The following MEI4 variants were observed in gnomAD, a reference collection of about 807,000 sequenced individuals.
The protein encoded by MEI4 is meiotic double-stranded break formation protein 4.
In MEI4, 27 loss-of-function variants were observed where a neutral mutation model predicts 31.4. That is an observed-to-expected ratio of 0.86 (90% CI 0.63 to 1.19). The LOEUF (loss-of-function observed/expected upper bound fraction) is 1.19. Ranked by LOEUF, MEI4 falls within the 50% of genes most tolerant of loss-of-function variation. MEI4 has a pLI of 0.00. For missense variants in MEI4, 329 were observed against 398.9 expected (o/e 0.82, Z 1.49); for synonymous variants, 122 against 145.4 (o/e 0.84, Z 1.16).
At chr6:77,811,788 A>T (rs1303042089) in intron 3 of MEI4, among the ~76,000 whole-genome samples, 2 of 150,736 alleles carry the variant, frequency 1.3e-5, no homozygotes, top group Non-Finnish European at 1.5e-5. Context: ...AAAAAAAAAA[A>T]ATTGATACTT....
At chr6:77,729,857 T>A (rs1231420806) in intron 2 of MEI4, among the ~76,000 whole-genome samples, 2 of 152,168 alleles carry the variant, frequency 1.3e-5, no homozygotes, top group Admixed American at 6.5e-5. Flanking sequence ...GTAAAAGGTA[T>A]CAGTGCATCT....
intron 3 of MEI4, among the ~76,000 whole-genome samples, chr6:77,768,866 A>C (rs2127685733): frequency 6.6e-6 from 1 of 152,308 alleles, no homozygotes; most frequent in South Asian, 2.1e-4. Flanking sequence ...TTAGTTTCTA[A>C]TTGAATATAA....
At chr6:77,892,599 C>T (rs530822245) in intron 4 of MEI4, among the ~76,000 whole-genome samples, 1 of 152,152 alleles carries the variant, frequency 6.6e-6, no homozygotes, top group African/African-American at 2.4e-5. Flanking sequence ...GCAGGTGGCT[C>T]TCAGGCTGTA....
intron 4 of MEI4, among the ~76,000 whole-genome samples, chr6:77,900,965 T>C (rs1400018281): frequency 6.6e-6 from 1 of 152,020 alleles, no homozygotes; most frequent in Non-Finnish European, 1.5e-5. Flanking sequence ...CATGTGGTAT[T>C]TGTCTTTTTG....
intron 2 of MEI4, among the ~76,000 whole-genome samples, chr6:77,734,525 T>G (rs539210708): frequency 1.2e-4 from 18 of 152,144 alleles, no homozygotes; most frequent in South Asian, 2.1e-4. Flanking sequence ...TTGAGCCTAT[T>G]TGTGTCTCTG....
intron 2 of MEI4, 63 bp from the exon 3 acceptor site, chr6:77,761,067 C>A: frequency 9.3e-7 from 1 of 1,076,446 alleles, no homozygotes; most frequent in East Asian, 3.2e-5. Flanking sequence ...GTATCAATGG[C>A]TAGTTTTACA....
At chr6:77,735,887 C>T (rs938181541) in intron 2 of MEI4, among the ~76,000 whole-genome samples, 2 of 150,816 alleles carry the variant, frequency 1.3e-5, no homozygotes, top group African/African-American at 4.9e-5. Context: ...GTTGGAGTAC[C>T]CGGCCGTGTG....
At chr6:77,707,852 C>G (rs1359298386) in intron 2 of MEI4, among the ~76,000 whole-genome samples, 2 of 152,242 alleles carry the variant, frequency 1.3e-5, no homozygotes, top group Non-Finnish European at 2.9e-5. Flanking sequence ...TTGGCAGCTT[C>G]CACTTGGTGT....
chr6:77,860,866 T>C (rs547446787), intron 4 of MEI4, among the ~76,000 whole-genome samples: 4 of 152,254 alleles, frequency 2.6e-5, no homozygotes, highest in African/African-American at 9.6e-5. Context: ...ACATTTTATC[T>C]CTTCTTCTAT....
chr6:77,790,566 A>G (rs1768893831), intron 3 of MEI4, among the ~76,000 whole-genome samples: 1 of 152,150 alleles, frequency 6.6e-6, no homozygotes, highest in South Asian at 2.1e-4. Flanking sequence ...TAAAAATAGA[A>G]AAACTAAAAA....
chr6:77,731,349 G>A (rs528260132), intron 2 of MEI4, among the ~76,000 whole-genome samples: 4 of 150,478 alleles, frequency 2.7e-5, no homozygotes, highest in Non-Finnish European at 5.9e-5. Context: ...ATCTCATTGT[G>A]GTTTTGATTT....
chr6:77,887,224 A>G (rs1771642266), intron 4 of MEI4, among the ~76,000 whole-genome samples: 1 of 149,718 alleles, frequency 6.7e-6, no homozygotes, highest in Non-Finnish European at 1.5e-5. Context: ...CCCAGTGGTC[A>G]TTCATAGTCA....
At chr6:77,794,511 C>T (rs201785416) in intron 3 of MEI4, among the ~76,000 whole-genome samples, 28 of 152,086 alleles carry the variant, frequency 1.8e-4, no homozygotes, top group African/African-American at 5.3e-4. Flanking sequence ...TGCAGTGAGC[C>T]GGACGGCGCC....
intron 3 of MEI4, among the ~76,000 whole-genome samples, chr6:77,782,894 G>T (rs956783111): frequency 2.6e-5 from 4 of 152,170 alleles, no homozygotes; most frequent in Non-Finnish European, 5.9e-5. Context: ...GACTGAGTAA[G>T]TATAGCACTA....
At chr6:77,825,491 C>A (rs1318387795) in intron 3 of MEI4, among the ~76,000 whole-genome samples, 1 of 152,226 alleles carries the variant, frequency 6.6e-6, no homozygotes, top group African/African-American at 2.4e-5. Context: ...GCTGCCCCAT[C>A]TCCAAGCCCA....
At chr6:77,844,140 A>T (rs1030037611) in intron 4 of MEI4, among the ~76,000 whole-genome samples, 2 of 152,184 alleles carry the variant, frequency 1.3e-5, no homozygotes, top group Non-Finnish European at 2.9e-5. Flanking sequence ...CTCAAGGATC[A>T]TATAGAACAG....
At chr6:77,840,814 A>G (rs1356524986) in intron 4 of MEI4, among the ~76,000 whole-genome samples, 1 of 152,164 alleles carries the variant, frequency 6.6e-6, no homozygotes, top group African/African-American at 2.4e-5. Flanking sequence ...AACATTTCAA[A>G]TGACTGCACT....
chr6:77,914,790 A>G (rs1368037738), intron 4 of MEI4, among the ~76,000 whole-genome samples: 1 of 152,050 alleles, frequency 6.6e-6, no homozygotes, highest in Non-Finnish European at 1.5e-5. Context: ...AAATTGTCCT[A>G]TCTTCGTGGT....
intron 2 of MEI4, among the ~76,000 whole-genome samples, chr6:77,743,401 C>T (rs1289693720): frequency 6.6e-6 from 1 of 152,102 alleles, no homozygotes; most frequent in African/African-American, 2.4e-5. Flanking sequence ...TTGGAGTTCA[C>T]TCATAATTTG....
Sources: gnomAD v4.1 joint callset for allele counts (sites outside exome capture counted in the v4.1 genomes callset) on GRCh38, gnomAD v4.1.1 for gene constraint, MANE v1.5 for transcripts, NCBI Gene and HGNC (gene_info 2026-07-23, HGNC 2026-07-21) for gene names.